Variants in CHEK1 observed in about 807,000 individuals in gnomAD.
CHEK1 encodes serine/threonine-protein kinase Chk1.
CHEK1 carries 32 observed loss-of-function variants against 60.2 expected under a neutral mutation model. The ratio of observed to expected loss-of-function variants is 0.53; its 90% confidence interval spans 0.40 to 0.71. CHEK1 has a LOEUF of 0.71. CHEK1 is among the 30% of genes least tolerant of loss of function. The pLI is 0.00. For synonymous variants in CHEK1, 179 were observed against 187.2 expected (o/e 0.96, Z 0.36); for missense variants, 399 against 564.6 (o/e 0.71, Z 2.97).
chr11:125,668,618 A>G (rs889520233), intron 13 of CHEK1, among the ~76,000 whole-genome samples: 37 of 152,176 alleles, frequency 2.4e-4, no homozygotes, highest in African/African-American at 8.7e-4. Context: ...CAGTAGCACA[A>G]TCATAGCTCA....
intron 5 of CHEK1, among the ~76,000 whole-genome samples, chr11:125,632,000 AT>A (rs1401257785): frequency 6.6e-6 from 1 of 151,960 alleles, no homozygotes; most frequent in African/African-American, 2.4e-5. Flanking sequence ...ATTTTGAGAC[AT>A]TTAAGTTGTT....
At chr11:125,650,660 G>A (rs1941690624) in intron 11 of CHEK1, among the ~76,000 whole-genome samples, 1 of 151,940 alleles carries the variant, frequency 6.6e-6, no homozygotes, top group Admixed American at 6.6e-5. Context: ...CATCATGTTG[G>A]CCAGGCTGGT....
At chr11:125,626,386 G>A (rs1940606389) in intron 1 of CHEK1, 2 of 426,044 alleles carry the variant, frequency 4.7e-6, no homozygotes, top group East Asian at 3.8e-5. Flanking sequence ...GCCCCATACC[G>A]CTCCCTATAT....
At chr11:125,676,271 C>T, downstream of CHEK1, 1 of 1,486,628 alleles carries the variant, frequency 6.7e-7, no homozygotes, top group Non-Finnish European at 9.3e-7. Flanking sequence ...TTGATTCTTT[C>T]CTGGGCCCCT....
At chr11:125,628,040 A>G (rs952332687) in intron 3 of CHEK1, among the ~76,000 whole-genome samples, 28 of 152,202 alleles carry the variant, frequency 1.8e-4, no homozygotes, top group African/African-American at 4.6e-4. Context: ...CCCAAGTTAT[A>G]TAAGTGATTT....
In CHEK1 at chr11:125,665,042, C is replaced by G. The variant is rs1284818683; in HGVS notation, c.*27+9695C>G. Among the ~76,000 whole-genome samples, 4 of 152,128 alleles carry G rather than the reference C, an allele frequency of 2.6e-5. No individual in the cohort carries two copies. In the East Asian group the frequency reaches 7.7e-4, roughly 29 times the overall value. ...GAATCATTTATTGAAGAGACTGTCC[C>G]CAGTGTAGGTTCTTGGCATCTTTGT... is the stretch of plus-strand genomic sequence containing the variant. On this transcript the variant is annotated intron_variant, in intron 13 of 13. Transcript: ENST00000428830.
At chr11:125,679,866 G>A (rs1421565252), downstream of CHEK1, among the ~76,000 whole-genome samples, 3 of 152,222 alleles carry the variant, frequency 2.0e-5, no homozygotes, top group Admixed American at 2.0e-4. Context: ...AAGCTTTTAG[G>A]AGGTTTTTAT....
downstream of CHEK1, among the ~76,000 whole-genome samples, chr11:125,658,071 TG>T (rs1420049698): frequency 2.0e-5 from 3 of 152,188 alleles, no homozygotes; most frequent in Non-Finnish European, 2.9e-5. Context: ...TTTTTGTTAA[TG>T]TTTTTTTTTC....
intron 5 of CHEK1, among the ~76,000 whole-genome samples, chr11:125,632,405 G>T (rs1326876387): frequency 6.6e-6 from 1 of 152,000 alleles, no homozygotes; most frequent in Non-Finnish European, 1.5e-5. Flanking sequence ...CTTAAGACTG[G>T]GTTACATTCC....
At chr11:125,677,230 G>A (rs1199965448), downstream of CHEK1, among the ~76,000 whole-genome samples, 1 of 152,170 alleles carries the variant, frequency 6.6e-6, no homozygotes, top group Non-Finnish European at 1.5e-5. Flanking sequence ...AATAACTTGA[G>A]GCATCAAACT....
chr11:125,650,566 C>T (rs1941687512), intron 11 of CHEK1, among the ~76,000 whole-genome samples: 1 of 150,316 alleles, frequency 6.7e-6, no homozygotes, highest in South Asian at 2.1e-4. Flanking sequence ...AAGTGAGTCT[C>T]CTGCCTCAGC....
chr11:125,677,914 C>T (rs112660381), downstream of CHEK1: 3 of 1,614,016 alleles, frequency 1.9e-6, no homozygotes, highest in African/African-American at 1.3e-5. Flanking sequence ...CCATGTTCAC[C>T]TGAAGGCTGT....
At chr11:125,655,193 G>T in intron 12 of CHEK1, 32 bp from the exon 13 acceptor site, 1 of 1,534,146 alleles carries the variant, frequency 6.5e-7, no homozygotes, top group South Asian at 1.2e-5. Flanking sequence ...TTTTTGTTTT[G>T]ACATAATTTT....
chr11:125,629,579 G>A, intron 5 of CHEK1, 119 bp downstream of exon 5: 1 of 693,676 alleles, frequency 1.4e-6, no homozygotes, highest in Non-Finnish European at 2.3e-6. Context: ...TTGCATTACT[G>A]GAATTTCAAG....
At chr11:125,660,450 T>C (rs907562515), downstream of CHEK1, among the ~76,000 whole-genome samples, 15 of 152,112 alleles carry the variant, frequency 9.9e-5, no homozygotes, top group Non-Finnish European at 4.4e-5. Flanking sequence ...ACACTCAAGC[T>C]CCTAGGCTCA....
downstream of CHEK1, chr11:125,677,768 T>C: frequency 6.2e-7 from 1 of 1,608,240 alleles, no homozygotes; most frequent in Non-Finnish European, 8.5e-7. Context: ...CTGAAGTCAA[T>C]GACTGGCACC....
downstream of CHEK1, among the ~76,000 whole-genome samples, chr11:125,677,405 G>C (rs1942563147): frequency 1.3e-5 from 2 of 152,224 alleles, no homozygotes; most frequent in African/African-American, 4.8e-5. Context: ...AATTTGTAAA[G>C]TTATAGCATT....
At position 125,653,692 on chromosome 11, in the gene CHEK1, A is replaced by T; in HGVS notation, c.1234-54A>T. 2 of 825,444 alleles carry T rather than the reference A, an allele frequency of 2.4e-6. No individual in the cohort carries two copies. Among genetic ancestry groups the T allele is most frequent in the Non-Finnish European group, 2.0e-6 (1 of 496,666 alleles). 51.1% of individuals were successfully genotyped at this position (825,444 alleles called of 1,614,324 possible). A position where few individuals can be genotyped will look rare whatever the true frequency, so the allele number is the denominator to read the frequency against. On this transcript the variant is annotated intron_variant, in intron 11 of 12. Transcript: ENST00000438015. The surrounding 1 kb of genome is among the most constrained non-coding windows in gnomAD (Gnocchi z 4.3). ...CTATTCTGTTCTTCATAGTGGGTTT[A>T]CTAGTTTATTATCTACTCACCCATG...
chr11:125,666,299 T>A (rs1942098003), intron 13 of CHEK1, among the ~76,000 whole-genome samples: 1 of 152,142 alleles, frequency 6.6e-6, no homozygotes, highest in Admixed American at 6.5e-5. Flanking sequence ...TTTCATGTAT[T>A]TGTACAACTT....
Sources: gnomAD v4.1 joint callset for allele counts (sites outside exome capture counted in the v4.1 genomes callset) on GRCh38, gnomAD v4.1.1 for gene constraint, Gnocchi (gnomAD v3.1) non-coding constraint, MANE v1.5 for transcripts, NCBI Gene and HGNC (gene_info 2026-07-23, HGNC 2026-07-21) for gene names.